ADAMTS3: variants seen among roughly 807,000 people sequenced by gnomAD.
ADAMTS3 encodes ADAM metallopeptidase with thrombospondin type 1 motif 3.
In ADAMTS3, 73 loss-of-function variants were observed where a neutral mutation model predicts 129.0. The ratio of observed to expected loss-of-function variants is 0.57; its 90% confidence interval spans 0.47 to 0.69. ADAMTS3 has a LOEUF of 0.69. ADAMTS3 is among the 30% of genes least tolerant of loss of function. The pLI, the probability that ADAMTS3 is intolerant of heterozygous loss-of-function variation, is 0.00. For missense variants in ADAMTS3, 1,457 were observed against 1,514.5 expected, an observed-to-expected ratio of 0.96 and a Z score of 0.63; for synonymous variants, 477 against 510.8, an observed-to-expected ratio of 0.93 and a Z score of 0.89.
intron 3 of ADAMTS3, among the ~76,000 whole-genome samples, chr4:72,543,232 C>A (rs1440279532): frequency 6.6e-6 from 1 of 152,034 alleles, no homozygotes; most frequent in African/African-American, 2.4e-5. Flanking sequence ...TTGTACATTA[C>A]CCAGTCTCAG....
At chr4:72,492,092 G>GA (rs1041565266) in intron 3 of ADAMTS3, among the ~76,000 whole-genome samples, 39 of 151,512 alleles carry the variant, frequency 2.6e-4, no homozygotes, top group African/African-American at 7.5e-4. Flanking sequence ...TTTTATTTCA[G>GA]AAAAAAATTG....
intron 3 of ADAMTS3, among the ~76,000 whole-genome samples, chr4:72,533,266 C>T (rs1366894438): frequency 6.6e-6 from 1 of 151,890 alleles, no homozygotes; most frequent in Non-Finnish European, 1.5e-5. Flanking sequence ...TACACATTAC[C>T]TTAGGCCTAC....
intron 4 of ADAMTS3, among the ~76,000 whole-genome samples, chr4:72,361,495 AC>A (rs1224623860): frequency 6.6e-6 from 1 of 152,130 alleles, no homozygotes; most frequent in Non-Finnish European, 1.5e-5. Flanking sequence ...CAAGATCTTT[AC>A]AGTAGATTTA....
chr4:72,301,546 A>G (rs571847029), intron 17 of ADAMTS3, among the ~76,000 whole-genome samples: 20 of 152,184 alleles, frequency 1.3e-4, no homozygotes, highest in Non-Finnish European at 2.8e-4. Context: ...TGACTTAAGT[A>G]TAATATTTTA....
In ADAMTS3 at chr4:72,358,095, C is replaced by T. The variant is rs148664000; in HGVS notation, c.662-18402G>A. Among the ~76,000 whole-genome samples the T allele has an allele frequency of 3.5e-3, 534 of 152,012 alleles. 2 individuals carry two copies. The highest frequency in any genetic ancestry group is 0.013 in the African/African-American group (524 of 41,492). On this transcript the variant is annotated intron_variant, in intron 4 of 21. Transcript: ENST00000286657. The stretch of plus-strand genomic sequence containing the variant: ...AATTTACTTCCTAGGGGGTGGAATG[C>T]CTGGCTAATGTAAGCCTCACTGGAG...
chr4:72,421,746 C>A (rs1722450611), intron 3 of ADAMTS3, among the ~76,000 whole-genome samples: 1 of 152,150 alleles, frequency 6.6e-6, no homozygotes, highest in African/African-American at 2.4e-5. Context: ...CCAGAATATT[C>A]ACAGCCATTA....
intron 4 of ADAMTS3, among the ~76,000 whole-genome samples, chr4:72,378,955 C>T (rs934160901): frequency 1.3e-5 from 2 of 152,088 alleles, no homozygotes; most frequent in Non-Finnish European, 2.9e-5. Flanking sequence ...GTTCTCTTGC[C>T]AGATGTCAGA....
chr4:72,300,992 T>C (rs1032030357), intron 17 of ADAMTS3, among the ~76,000 whole-genome samples: 6 of 152,184 alleles, frequency 3.9e-5, no homozygotes, highest in Non-Finnish European at 7.3e-5. Context: ...TTAAGTGGTG[T>C]CCAGATACAT....
chr4:72,385,364 C>G (rs1407738672), intron 4 of ADAMTS3, among the ~76,000 whole-genome samples: 1 of 151,570 alleles, frequency 6.6e-6, no homozygotes, highest in African/African-American at 2.4e-5. Flanking sequence ...GGTAGAGAAG[C>G]TAAGATGGAA....
At chr4:72,319,294 A>G (rs775654683) in intron 9 of ADAMTS3, 38 bp downstream of exon 9, 23 of 1,611,376 alleles carry the variant, frequency 1.4e-5, no homozygotes, top group Non-Finnish European at 2.0e-5. Context: ...TGTAGGCTAT[A>G]AAATAAATAC....
At chr4:72,389,447 T>C (rs2109890576) in intron 4 of ADAMTS3, among the ~76,000 whole-genome samples, 1 of 152,168 alleles carries the variant, frequency 6.6e-6, no homozygotes, top group South Asian at 2.1e-4. Context: ...TTTAATTGTA[T>C]GATATACACA....
intron 4 of ADAMTS3, among the ~76,000 whole-genome samples, chr4:72,408,567 A>G (rs1722107386): frequency 6.6e-6 from 1 of 152,152 alleles, no homozygotes; most frequent in African/African-American, 2.4e-5. Flanking sequence ...ATTATCTTTT[A>G]AAAATATATT....
chr4:72,514,935 T>C (rs547503542), intron 3 of ADAMTS3, among the ~76,000 whole-genome samples: 43 of 152,074 alleles, frequency 2.8e-4, no homozygotes, highest in Non-Finnish European at 5.6e-4. Context: ...GCTGCACCCA[T>C]TAACTCGTCA....
intron 3 of ADAMTS3, among the ~76,000 whole-genome samples, chr4:72,456,460 C>G (rs962248328): frequency 2.1e-5 from 3 of 145,544 alleles, no homozygotes; most frequent in African/African-American, 7.6e-5. Context: ...AAAATGTAAT[C>G]TGCAAAATTA....
intron 3 of ADAMTS3, among the ~76,000 whole-genome samples, chr4:72,415,200 T>C (rs1163157513): frequency 6.6e-6 from 1 of 151,986 alleles, no homozygotes; most frequent in Non-Finnish European, 1.5e-5. Flanking sequence ...TATTACGGAA[T>C]ACAAAATTTA....
rs75218202 is a variant in ADAMTS3, at chr4:72,374,441, C to T, written c.662-34748G>A. ...GGATTATCTCTTTCAGGACTGTACT[C>T]GAATTATTATACATGTGAATTATTT... On this transcript the variant is annotated intron_variant, in intron 4 of 21. Transcript: ENST00000286657. Among the ~76,000 whole-genome samples the T allele has an allele frequency of 3.9e-5, 6 of 152,058 alleles. No homozygotes were observed. The East Asian group carries it at 9.7e-4, about 25-fold the overall frequency.
At chr4:72,565,328 C>T (rs2109810318) in intron 2 of ADAMTS3, among the ~76,000 whole-genome samples, 1 of 152,150 alleles carries the variant, frequency 6.6e-6, no homozygotes, top group African/African-American at 2.4e-5. Flanking sequence ...AACACGTCCC[C>T]AGGTAGTTAT....
chr4:72,411,298 A>C (rs1368120791), intron 4 of ADAMTS3, among the ~76,000 whole-genome samples: 3 of 152,136 alleles, frequency 2.0e-5, no homozygotes, highest in African/African-American at 7.2e-5. Context: ...CTTAGGTGAC[A>C]GGAAATAGAA....
At chr4:72,425,738 G>C (rs1335175113) in intron 3 of ADAMTS3, among the ~76,000 whole-genome samples, 6 of 151,662 alleles carry the variant, frequency 4.0e-5, no homozygotes, top group African/African-American at 1.5e-4. Flanking sequence ...TATCATTGTT[G>C]GACATTTGGG....
Sources: gnomAD v4.1 joint callset for allele counts (sites outside exome capture counted in the v4.1 genomes callset) on GRCh38, gnomAD v4.1.1 for gene constraint, MANE v1.5 for transcripts, NCBI Gene and HGNC (gene_info 2026-07-23, HGNC 2026-07-21) for gene names.